The following ADGRF1 variants were observed in gnomAD, a reference collection of about 807,000 sequenced individuals.
ADGRF1 encodes the protein adhesion G protein-coupled receptor F1.
Under a neutral mutation model 87.2 loss-of-function variants are expected in ADGRF1, and 85 were observed. The observed-to-expected ratio is 0.97, with a 90% CI of 0.82 to 1.17. ADGRF1 has a LOEUF of 1.17. Ranked by LOEUF, ADGRF1 falls within the 50% of genes most tolerant of loss-of-function variation. The pLI is 0.00. For missense variants in ADGRF1, 1,169 were observed against 1,077.2 expected (o/e 1.09, Z -1.19); for synonymous variants, 430 against 408.8 (o/e 1.05, Z -0.63).
chr6:47,000,557 A>G (rs940770503), intron 14 of ADGRF1, among the ~76,000 whole-genome samples: 2 of 152,184 alleles, frequency 1.3e-5, no homozygotes, highest in Admixed American at 6.5e-5. Context: ...GTAGATTGAG[A>G]TCACAATATG....
At chr6:47,039,464 A>G (rs1780675955) in intron 1 of ADGRF1, among the ~76,000 whole-genome samples, 1 of 152,240 alleles carries the variant, frequency 6.6e-6, no homozygotes, top group Admixed American at 6.5e-5. Context: ...GCCACTGACC[A>G]GGAGCCTCTA....
At chr6:47,036,409 A>G (rs1437246867) in intron 1 of ADGRF1, among the ~76,000 whole-genome samples, 1 of 152,178 alleles carries the variant, frequency 6.6e-6, no homozygotes, top group African/African-American at 2.4e-5. Flanking sequence ...TTGAAATTAC[A>G]CAAGAAAAAA....
chr6:47,040,103 A>G (rs1780694355), intron 1 of ADGRF1, among the ~76,000 whole-genome samples: 1 of 152,308 alleles, frequency 6.6e-6, no homozygotes, highest in East Asian at 1.9e-4. Context: ...CCCAAGACAT[A>G]TGTATTTGGC....
intron 1 of ADGRF1, among the ~76,000 whole-genome samples, chr6:47,041,574 G>T (rs1456993736): frequency 1.3e-5 from 2 of 152,104 alleles, no homozygotes; most frequent in African/African-American, 4.8e-5. Context: ...TATTTTCAAG[G>T]CCTCTACTAA....
At chr6:47,003,990 A>C (rs1176385899) in intron 13 of ADGRF1, among the ~76,000 whole-genome samples, 2 of 152,160 alleles carry the variant, frequency 1.3e-5, no homozygotes, top group African/African-American at 2.4e-5. Context: ...CTTCAGTCCG[A>C]CCAATCCCTC....
At chr6:47,020,517 A>T in intron 7 of ADGRF1, 13 of 1,502,744 alleles carry the variant, frequency 8.7e-6, no homozygotes, top group South Asian at 1.3e-5. Flanking sequence ...AAAAAAAAAA[A>T]TTTAAGGTCC....
At chr6:47,026,100 G>A (rs974377734) in intron 3 of ADGRF1, 97 bp from the exon 4 acceptor site, 1 of 1,059,754 alleles carries the variant, frequency 9.4e-7, no homozygotes, top group South Asian at 1.7e-5. Flanking sequence ...TTTAGGTCAG[G>A]GACTCTACCA....
At chr6:47,011,914 C>G in intron 10 of ADGRF1, 93 bp downstream of exon 10, 1 of 1,209,088 alleles carries the variant, frequency 8.3e-7, no homozygotes, top group South Asian at 1.5e-5. Context: ...GGCTTTCTGT[C>G]TTTTCCAATA....
intron 1 of ADGRF1, among the ~76,000 whole-genome samples, chr6:47,033,748 C>A (rs760219619): frequency 8.5e-5 from 13 of 152,222 alleles, no homozygotes; most frequent in Non-Finnish European, 1.3e-4. Flanking sequence ...ATAACATTTT[C>A]ATTGGCATCT....
rs779183511 is a variant in ADGRF1 at position 47,000,225 on chromosome 6, T to C, written c.2730A>G (p.Glu910=). Residue 910 remains glutamate, a synonymous_variant, in exon 15 of 15, where the codon GAA becomes GAG. Transcript: ENST00000371253. ...NIMLTQFVSN[E] The stretch of plus-strand genomic sequence containing the variant: ...CTTGATTTTATGATTCCTTGCCTTA[T>C]TCATTTGAGACAAACTGAGTTAGCA... 1 of 1,608,030 alleles carries C rather than the reference T, an allele frequency of 6.2e-7. No individual in the cohort carries two copies. The highest frequency in any genetic ancestry group is 1.1e-5 in the South Asian group (1 of 90,214).
At chr6:47,036,043 CAA>C (rs1378389008) in intron 1 of ADGRF1, among the ~76,000 whole-genome samples, 1 of 152,158 alleles carries the variant, frequency 6.6e-6, no homozygotes, top group Non-Finnish European at 1.5e-5. Flanking sequence ...CCAGCCTGGG[CAA>C]CATGGTGAAA....
intron 1 of ADGRF1, among the ~76,000 whole-genome samples, chr6:47,041,134 T>C (rs1780731685): frequency 6.6e-6 from 1 of 152,190 alleles, no homozygotes; most frequent in Non-Finnish European, 1.5e-5. Flanking sequence ...ACTAAATAAT[T>C]TGCTCAATGT....
intron 4 of ADGRF1, among the ~76,000 whole-genome samples, chr6:47,025,323 T>C (rs986999143): frequency 2.0e-5 from 3 of 152,222 alleles, no homozygotes; most frequent in African/African-American, 7.2e-5. Flanking sequence ...ATTTGCATTT[T>C]TGCTAAGTTC....
intron 14 of ADGRF1, among the ~76,000 whole-genome samples, chr6:47,000,846 A>G (rs1779342777): frequency 6.6e-6 from 1 of 152,250 alleles, no homozygotes; most frequent in Non-Finnish European, 1.5e-5. Context: ...CATGGTTTCA[A>G]CTTAGCTTGT....
chr6:47,030,076 C>G (rs1447188407), intron 1 of ADGRF1, among the ~76,000 whole-genome samples: 1 of 152,202 alleles, frequency 6.6e-6, no homozygotes, highest in Non-Finnish European at 1.5e-5. Context: ...GGCTCTCCAT[C>G]CAGCCCTTAC....
At position 47,029,022 on chromosome 6, in the gene ADGRF1, A is replaced by G. The variant is rs777900453; in HGVS notation, c.40T>C (p.Phe14Leu). ...AGGAAGCCACCGTGGCCGTCAGTGA[A>G]GGTGAAGAAAGAAATGAGCCACAGC... The part of the protein sequence containing the change: ...GVLWLISFFT[F>L]TDGHGGFLGK... The change falls in exon 2 of 15, where the codon TTC (phenylalanine) becomes CTC (leucine). Residue 14 changes from phenylalanine (F) to leucine (L), a missense_variant. Transcript: ENST00000371253. 7 of 1,614,062 alleles carry G rather than the reference A, an allele frequency of 4.3e-6. No individual in the cohort carries two copies. The East Asian group carries it at 1.3e-4, about 31-fold the overall frequency.
intron 8 of ADGRF1, among the ~76,000 whole-genome samples, chr6:47,015,787 G>A (rs1317712881): frequency 4.0e-5 from 6 of 151,280 alleles, no homozygotes; most frequent in African/African-American, 7.3e-5. Flanking sequence ...TAGTAGAGGC[G>A]GGATTTCACC....
In ADGRF1 at chr6:47,019,468, G is replaced by A. The variant is rs746659297; in HGVS notation, c.611+1263C>T. On this transcript the variant is annotated intron_variant, in intron 7 of 14. Transcript: ENST00000371253. ...GGAAGCCGAGGCAGGCGGATCACGAGGTCAGGAGATCGAGACCATCCTGGC... is the reference window on the plus strand; with the variant it reads ...GGAAGCCGAGGCAGGCGGATCACGAAGTCAGGAGATCGAGACCATCCTGGC... 4.2e-4 allele frequency: 255 copies of A among 609,144 alleles called. 1 individual carries two copies. The highest frequency in any genetic ancestry group is 1.7e-3 in the Middle Eastern group (2 of 1,194). The allele number at this position is 609,144 out of a possible 1,614,324, so 37.7% of individuals were successfully genotyped here. A position where few individuals can be genotyped will look rare whatever the true frequency, so the allele number is the denominator to read the frequency against.
At chr6:47,012,678 C>G (rs1779743092) in intron 9 of ADGRF1, 1 of 985,800 alleles carries the variant, frequency 1.0e-6, no homozygotes, top group Non-Finnish European at 1.2e-6. Context: ...CCACGCTACA[C>G]TGAGAATGCG....
Sources: allele counts gnomAD v4.1 joint callset (sites outside exome capture counted in the v4.1 genomes callset), GRCh38; gene constraint gnomAD v4.1.1; transcripts MANE v1.5; gene names NCBI Gene and HGNC (gene_info 2026-07-23, HGNC 2026-07-21).